The following PDCD11 variants were observed in gnomAD, a reference collection of about 807,000 sequenced individuals.
The protein encoded by PDCD11 is protein RRP5 homolog.
PDCD11 carries 97 observed loss-of-function variants against 198.9 expected under a neutral mutation model. The ratio of observed to expected loss-of-function variants is 0.49; its 90% CI spans 0.41 to 0.58. PDCD11 has a LOEUF of 0.58. PDCD11 is among the 20% of genes least tolerant of loss of function. The pLI, the probability that PDCD11 is intolerant of heterozygous loss-of-function variation, is 0.00. For missense variants in PDCD11, 2,102 were observed against 2,312.7 expected (o/e 0.91, Z 1.87); for synonymous variants, 893 against 918.0 (o/e 0.97, Z 0.49).
intron 31 of PDCD11, 44 bp downstream of exon 31, chr10:103,442,019 G>C: frequency 6.2e-7 from 1 of 1,609,718 alleles, no homozygotes; most frequent in Non-Finnish European, 8.5e-7. Context: ...GGGACCCCTT[G>C]GTGTCAGTCT....
At chr10:103,431,516 T>G (rs959726168) in intron 21 of PDCD11, among the ~76,000 whole-genome samples, 4 of 151,630 alleles carry the variant, frequency 2.6e-5, no homozygotes, top group African/African-American at 4.9e-5. Context: ...CACTTGAACC[T>G]GGGGGGTGGA....
chr10:103,402,033 C>T (rs2030110079), intron 3 of PDCD11, among the ~76,000 whole-genome samples: 1 of 152,274 alleles, frequency 6.6e-6, no homozygotes, highest in South Asian at 2.1e-4. Flanking sequence ...TGAGCCACTG[C>T]ACCTGGCTGA....
At chr10:103,420,588 C>CTGATT (rs1029596145) in intron 16 of PDCD11, among the ~76,000 whole-genome samples, 1 of 152,196 alleles carries the variant, frequency 6.6e-6, no homozygotes, top group African/African-American at 2.4e-5. Context: ...TGGCGTGCAG[C>CTGATT]TGATTGCTGC....
At chr10:103,442,582 C>A in intron 32 of PDCD11, 122 bp downstream of exon 32, 1 of 1,007,374 alleles carries the variant, frequency 9.9e-7, no homozygotes, top group Non-Finnish European at 1.5e-6. Context: ...CCACCAGGGG[C>A]CCATGGGTCC....
chr10:103,438,656 G>A (rs2032251142), intron 26 of PDCD11, 30 bp from the exon 27 acceptor site: 1 of 1,613,846 alleles, frequency 6.2e-7, no homozygotes, highest in African/African-American at 1.3e-5. Context: ...GGAGGTTAAA[G>A]GTGTGCATGT....
Position 103,425,885 on chromosome 10 carries a change from T to C in PDCD11, c.3305+360T>C, listed in dbSNP as rs556987101. On this transcript the variant is annotated intron_variant, in intron 20 of 35. Coordinates refer to ENST00000369797, the MANE Select transcript of PDCD11 (RefSeq NM_014976.2). Reference sequence around the variant, plus strand: ...TAATAGAGATGGGGTTTCACTGTGTTAGCCAGGATGGTCTCAATCTCCTGA... The same window carrying C: ...TAATAGAGATGGGGTTTCACTGTGTCAGCCAGGATGGTCTCAATCTCCTGA... Among the ~76,000 whole-genome samples, 9 of 152,256 alleles carry C rather than the reference T, an allele frequency of 5.9e-5. No homozygotes were observed. The South Asian group carries it at 1.9e-3, about 32-fold the overall frequency.
At chr10:103,410,597 TTTTC>T (rs1393774555) in intron 8 of PDCD11, among the ~76,000 whole-genome samples, 2 of 150,318 alleles carry the variant, frequency 1.3e-5, no homozygotes, top group African/African-American at 4.9e-5. Flanking sequence ...TTTTCTTTTC[TTTTC>T]TTTTTTTTTT....
chr10:103,438,195 A>C (rs1437716315), intron 26 of PDCD11, 124 bp downstream of exon 26: 14 of 746,804 alleles, frequency 1.9e-5, no homozygotes, highest in Non-Finnish European at 3.1e-5. Context: ...TTTTATCCTG[A>C]ACCTCTTTTA....
chr10:103,398,930 C>T (rs899627188), intron 2 of PDCD11, among the ~76,000 whole-genome samples: 3 of 152,154 alleles, frequency 2.0e-5, no homozygotes, highest in Non-Finnish European at 4.4e-5. Flanking sequence ...ATGAGAATTG[C>T]TTGAACCAAG....
intron 6 of PDCD11, 146 bp from the exon 7 acceptor site, chr10:103,406,463 G>A (rs976116198): frequency 1.5e-6 from 1 of 662,648 alleles, no homozygotes; most frequent in Non-Finnish European, 2.6e-6. Flanking sequence ...CTTGTAGTTG[G>A]CCCCTTAAAG....
rs544173250 is a variant in PDCD11, at chr10:103,441,684, T to C, written c.4558-142T>C. On this transcript the variant is annotated intron_variant, in intron 30 of 35. Coordinates refer to ENST00000369797, the MANE Select transcript of PDCD11 (RefSeq NM_014976.2). ...AAAGTTTCCCCAGTGGGCTGGGGCC[T>C]GGCATGGCCTAGGAGGAGAGGAGAG... 11 of 709,656 alleles carry C rather than the reference T, an allele frequency of 1.6e-5. No individual in the cohort carries two copies. The African/African-American group carries it at 1.8e-4, about 11-fold the overall frequency. 44.0% of individuals were successfully genotyped at this position (709,656 alleles called of 1,614,324 possible).
chr10:103,403,336 T>C (rs1257425085), intron 4 of PDCD11, 51 bp downstream of exon 4: 1 of 1,541,930 alleles, frequency 6.5e-7, no homozygotes, highest in South Asian at 1.2e-5. Context: ...GGAACACAAA[T>C]AGATTTAAAA....
At chr10:103,418,311 T>C in intron 14 of PDCD11, 129 bp from the exon 15 acceptor site, 1 of 734,734 alleles carries the variant, frequency 1.4e-6, no homozygotes. Flanking sequence ...GTGGGTGGGG[T>C]TTGGAAGAAA....
intron 7 of PDCD11, 121 bp downstream of exon 7, chr10:103,406,911 G>A (rs577262650): frequency 6.8e-4 from 501 of 732,030 alleles, no homozygotes; most frequent in Admixed American, 2.0e-3. Context: ...CGCCCATTGA[G>A]CATTTCAAAT....
chr10:103,416,754 C>T lies in PDCD11; in HGVS notation c.1770+12C>T, dbSNP rs1273701644. ...TTTACACTGGCCAGGTAACCCTTCC[C>T]CTAGACAGGTCCCCTTTACCCTTGG... On this transcript the variant is annotated intron_variant, in intron 13 of 35. Coordinates refer to ENST00000369797, the MANE Select transcript of PDCD11 (RefSeq NM_014976.2). The T allele has an allele frequency of 6.2e-7, 1 of 1,611,022 alleles. No homozygotes were observed. The highest frequency in any genetic ancestry group is 8.5e-7 in the Non-Finnish European group (1 of 1,177,986).
At chr10:103,432,579 A>G (rs2031981281) in intron 22 of PDCD11, among the ~76,000 whole-genome samples, 1 of 152,246 alleles carries the variant, frequency 6.6e-6, no homozygotes, top group Non-Finnish European at 1.5e-5. Context: ...GTAAAACAAC[A>G]TGAAATTGGG....
chr10:103,414,710 G>C (rs1432239594), intron 11 of PDCD11, among the ~76,000 whole-genome samples: 3 of 152,196 alleles, frequency 2.0e-5, no homozygotes, highest in African/African-American at 7.2e-5. Flanking sequence ...CCCTTTATAT[G>C]TAGAGTTTAT....
chr10:103,428,236 C>T (rs147000008), intron 21 of PDCD11, among the ~76,000 whole-genome samples: 21 of 151,046 alleles, frequency 1.4e-4, no homozygotes, highest in African/African-American at 4.4e-4. Context: ...ATTTGGGAGA[C>T]GGAGGTTGGA....
At chr10:103,441,212 C>T (rs1439979046) in intron 30 of PDCD11, among the ~76,000 whole-genome samples, 1 of 152,164 alleles carries the variant, frequency 6.6e-6, no homozygotes, top group Non-Finnish European at 1.5e-5. Flanking sequence ...GCCTCCCTGC[C>T]ACCCTCAGAA....
Sources: gnomAD v4.1 joint callset for allele counts (sites outside exome capture counted in the v4.1 genomes callset) on GRCh38, gnomAD v4.1.1 for gene constraint, MANE v1.5 for transcripts, NCBI Gene and HGNC (gene_info 2026-07-23, HGNC 2026-07-21) for gene names.